FMN2: variants seen among roughly 807,000 people sequenced by gnomAD.
FMN2 encodes formin-2.
In FMN2, 51 loss-of-function variants were observed where a neutral mutation model predicts 142.3. The ratio of observed to expected loss-of-function variants is 0.36; its 90% CI spans 0.29 to 0.45. FMN2 has a LOEUF of 0.45. Among genes scored for constraint, FMN2 ranks in the 20% least tolerant of loss-of-function variants. The pLI, the probability that FMN2 is intolerant of heterozygous loss-of-function variation, is 1.00. For synonymous variants in FMN2, 882 were observed against 869.8 expected (o/e 1.01, Z -0.25); for missense variants, 1,936 against 2,122.8 (o/e 0.91, Z 1.73).
intron 7 of FMN2, among the ~76,000 whole-genome samples, chr1:240,294,216 T>A (rs978844878): frequency 1.3e-5 from 2 of 152,180 alleles, no homozygotes; most frequent in African/African-American, 4.8e-5. Flanking sequence ...TATTGCTGAT[T>A]TTTCTATTAT....
intron 15 of FMN2, among the ~76,000 whole-genome samples, chr1:240,437,647 G>C (rs1286822076): frequency 6.6e-6 from 1 of 152,132 alleles, no homozygotes; most frequent in Admixed American, 6.5e-5. Flanking sequence ...AAGGCAAATA[G>C]TGTATAAGCA....
At chr1:240,181,694 G>A (rs1196207286) in intron 3 of FMN2, among the ~76,000 whole-genome samples, 4 of 152,060 alleles carry the variant, frequency 2.6e-5, no homozygotes, top group Non-Finnish European at 5.9e-5. Flanking sequence ...AAGACTGGCT[G>A]GGAAAAAAGG....
At chr1:240,311,830 CTTTAT>C (rs1670614478) in intron 8 of FMN2, among the ~76,000 whole-genome samples, 1 of 152,054 alleles carries the variant, frequency 6.6e-6, no homozygotes, top group Admixed American at 6.6e-5. Context: ...TGTTATTTTA[CTTTAT>C]TTTATTAAGA....
intron 11 of FMN2, among the ~76,000 whole-genome samples, chr1:240,332,755 T>C (rs1671422793): frequency 6.6e-6 from 1 of 152,196 alleles, no homozygotes. Flanking sequence ...GTAAAACAAA[T>C]GTAACTATAT....
rs1663288891 is a variant in FMN2 at position 240,143,570 on chromosome 1, T to C, written c.1782+20225T>C. ...AGCAGCTGCTGCACCTTCAGCACAT[T>C]CCCAGAGCCTGCCTATGCACACACA... On this transcript the variant is annotated intron_variant, in intron 2 of 17. Transcript: ENST00000319653. 1.9e-6 allele frequency: 3 copies of C among 1,605,974 alleles called. No individual in the cohort carries two copies. In the Admixed American group the frequency reaches 5.0e-5, roughly 27 times the overall value.
chr1:240,104,876 C>T (rs1237430055), intron 1 of FMN2, among the ~76,000 whole-genome samples: 4 of 152,028 alleles, frequency 2.6e-5, no homozygotes, highest in Admixed American at 2.6e-4. Flanking sequence ...TGGGCACATT[C>T]CCTAGATTTT....
chr1:240,248,013 A>G (rs188585667), intron 6 of FMN2, among the ~76,000 whole-genome samples: 39 of 152,112 alleles, frequency 2.6e-4, no homozygotes, highest in African/African-American at 8.9e-4. Context: ...GTTGTTAACT[A>G]TGCTCACCCT....
At chr1:240,446,564 CATGTGGCTT>C (rs1473652475) in intron 16 of FMN2, among the ~76,000 whole-genome samples, 1 of 152,070 alleles carries the variant, frequency 6.6e-6, no homozygotes, top group African/African-American at 2.4e-5. Context: ...AAAATAACAT[CATGTGGCTT>C]ATGTGGGCCG....
intron 8 of FMN2, among the ~76,000 whole-genome samples, chr1:240,300,633 CAT>C (rs57155181): frequency 0.01 from 1,562 of 152,240 alleles, 26 homozygotes; most frequent in African/African-American, 0.036. Context: ...AATAAAGAGA[CAT>C]ATATAACTTA....
At chr1:240,359,402 A>G (rs1672386433) in intron 14 of FMN2, among the ~76,000 whole-genome samples, 1 of 152,204 alleles carries the variant, frequency 6.6e-6, no homozygotes, top group Non-Finnish European at 1.5e-5. Flanking sequence ...TCCTCAAAAT[A>G]TAAAATCTCT....
chr1:240,358,752 G>A (rs571736784), intron 14 of FMN2, among the ~76,000 whole-genome samples: 4 of 152,212 alleles, frequency 2.6e-5, no homozygotes, highest in South Asian at 4.1e-4. Context: ...CCTCCACCTC[G>A]TCTCTCCCAT....
chr1:240,250,642 G>A (rs1207319989), intron 6 of FMN2, among the ~76,000 whole-genome samples: 1 of 151,740 alleles, frequency 6.6e-6, no homozygotes, highest in Non-Finnish European at 1.5e-5. Context: ...TTTTTTTGGG[G>A]GGTGGGAAGA....
chr1:240,159,976 C>T (rs10926148), intron 2 of FMN2, among the ~76,000 whole-genome samples: 36,560 of 127,960 alleles, frequency 0.29, 5,316 homozygotes, highest in Admixed American at 0.37. Flanking sequence ...TATATATATA[C>T]ACACACACAC....
intron 2 of FMN2, among the ~76,000 whole-genome samples, chr1:240,155,362 T>G (rs1213740263): frequency 6.6e-6 from 1 of 152,198 alleles, no homozygotes; most frequent in African/African-American, 2.4e-5. Flanking sequence ...TACTGTAGCT[T>G]CTAACTCCTA....
At chr1:240,386,210 G>A (rs1257956464) in intron 14 of FMN2, among the ~76,000 whole-genome samples, 6 of 151,960 alleles carry the variant, frequency 3.9e-5, no homozygotes, top group Non-Finnish European at 7.4e-5. Context: ...CAAAACTAAG[G>A]CAATATATCT....
intron 2 of FMN2, among the ~76,000 whole-genome samples, chr1:240,146,130 TC>T (rs1210906185): frequency 6.6e-6 from 1 of 151,028 alleles, no homozygotes; most frequent in Non-Finnish European, 1.5e-5. Flanking sequence ...ACACCTGTAA[TC>T]CCAGTACTTT....
chr1:240,418,343 C>T (rs1420643408), intron 15 of FMN2, among the ~76,000 whole-genome samples: 1 of 151,546 alleles, frequency 6.6e-6, no homozygotes, highest in Non-Finnish European at 1.5e-5. Context: ...ACTACAGGCG[C>T]CCACCACCAC....
chr1:240,347,957 C>T (rs1671964764), intron 13 of FMN2, among the ~76,000 whole-genome samples: 1 of 152,092 alleles, frequency 6.6e-6, no homozygotes, highest in Non-Finnish European at 1.5e-5. Flanking sequence ...GGGCAGGCAC[C>T]CTGGTTGCTT....
intron 16 of FMN2, among the ~76,000 whole-genome samples, chr1:240,460,390 G>A (rs959445427): frequency 6.6e-6 from 1 of 152,070 alleles, no homozygotes. Context: ...TCAGGAGTTC[G>A]AGACCAGCCT....
Sources: gnomAD v4.1 joint callset for allele counts (sites outside exome capture counted in the v4.1 genomes callset) on GRCh38, gnomAD v4.1.1 for gene constraint, MANE v1.5 for transcripts, NCBI Gene and HGNC (gene_info 2026-07-23, HGNC 2026-07-21) for gene names.